ATE1: variants seen among roughly 807,000 people sequenced by gnomAD.
The protein encoded by ATE1 is arginyl-tRNA--protein transferase 1.
A neutral mutation model predicts 70.5 loss-of-function variants in ATE1; 36 were observed. That is an observed-to-expected ratio of 0.51 (90% CI 0.39 to 0.67). The LOEUF (loss-of-function observed/expected upper bound fraction) is 0.67, where lower values mean the gene tolerates loss of function less well. Ranked by LOEUF, ATE1 falls within the 30% of genes least tolerant of loss-of-function variation. ATE1 has a pLI of 0.00. For missense variants in ATE1, 593 were observed against 629.5 expected (o/e 0.94, Z 0.62); for synonymous variants, 232 against 219.3 (o/e 1.06, Z -0.51).
intron 3 of ATE1, among the ~76,000 whole-genome samples, chr10:121,921,993 A>T (rs1196553415): frequency 6.6e-6 from 1 of 152,240 alleles, no homozygotes; most frequent in Admixed American, 6.5e-5. Flanking sequence ...CAAGCAATAC[A>T]CCAGAATGCA....
intron 8 of ATE1, among the ~76,000 whole-genome samples, chr10:121,868,480 G>T (rs1949737368): frequency 6.6e-6 from 1 of 152,094 alleles, no homozygotes; most frequent in Non-Finnish European, 1.5e-5. Flanking sequence ...CATAACTATA[G>T]AGTGGGCTAT....
intron 7 of ATE1, among the ~76,000 whole-genome samples, chr10:121,873,432 T>C (rs982995605): frequency 2.9e-4 from 44 of 152,148 alleles, no homozygotes; most frequent in Admixed American, 2.8e-3. Flanking sequence ...CCTGGTACCA[T>C]TGTTCTATTC....
In ATE1 at chr10:121,759,132, G is replaced by A. The variant is rs1010919930; in HGVS notation, c.1379-15274C>T. On this transcript the variant is annotated intron_variant, in intron 11 of 11. Transcript: ENST00000224652. ...CAGACTGATGGCTCTTGTGCCAAAC[G>A]GCCAAGCTGCAAATACAAAAGAAAA... Among the ~76,000 whole-genome samples, 10 of 152,124 alleles carry A rather than the reference G, an allele frequency of 6.6e-5. No individual in the cohort carries two copies. The South Asian group carries it at 2.1e-3, about 32-fold the overall frequency.
At chr10:121,915,815 T>C (rs1479307166) in intron 3 of ATE1, among the ~76,000 whole-genome samples, 27 of 129,876 alleles carry the variant, frequency 2.1e-4, no homozygotes, top group East Asian at 1.2e-3. Flanking sequence ...GGCATGAACC[T>C]GGGAGGCAGA....
At chr10:121,894,890 G>C (rs1371296744) in intron 7 of ATE1, among the ~76,000 whole-genome samples, 2 of 151,896 alleles carry the variant, frequency 1.3e-5, no homozygotes, top group Non-Finnish European at 2.9e-5. Flanking sequence ...GACAGAGTGA[G>C]ACTCTGTCTC....
intron 10 of ATE1, among the ~76,000 whole-genome samples, chr10:121,824,352 T>C (rs933163106): frequency 3.9e-5 from 6 of 152,220 alleles, no homozygotes; most frequent in Non-Finnish European, 8.8e-5. Context: ...TGCAAGGCTA[T>C]AGTGAAATAA....
upstream of ATE1, chr10:121,928,391 T>C: frequency 7.2e-6 from 11 of 1,531,858 alleles, no homozygotes; most frequent in Non-Finnish European, 9.7e-6. Flanking sequence ...GCCGCAGTGG[T>C]AGCCGGCCCT....
chr10:121,906,582 CAAAA>C (rs113241921), intron 5 of ATE1, among the ~76,000 whole-genome samples: 1 of 146,060 alleles, frequency 6.8e-6, no homozygotes, highest in African/African-American at 2.6e-5. Flanking sequence ...TTGCAGGTTC[CAAAA>C]AAAAAAAAAT....
chr10:121,754,575 C>A (rs1944717851), intron 11 of ATE1, among the ~76,000 whole-genome samples: 1 of 151,972 alleles, frequency 6.6e-6, no homozygotes, highest in Admixed American at 6.6e-5. Context: ...TTGTAGAATG[C>A]CAACTAATAA....
chr10:121,833,491 G>A (rs148747616), intron 10 of ATE1, among the ~76,000 whole-genome samples: 1 of 152,262 alleles, frequency 6.6e-6, no homozygotes, highest in Non-Finnish European at 1.5e-5. Flanking sequence ...GTATGCACAG[G>A]AGATAGACTA....
intron 11 of ATE1, 42 bp from the exon 12 acceptor site, chr10:121,743,900 C>T (rs775330534): frequency 6.5e-6 from 5 of 771,402 alleles, no homozygotes; most frequent in Non-Finnish European, 7.9e-6. Flanking sequence ...TGTCACATAT[C>T]AAAACTTTTT....
At chr10:121,763,571 G>A (rs187414404) in intron 11 of ATE1, among the ~76,000 whole-genome samples, 1 of 152,158 alleles carries the variant, frequency 6.6e-6, no homozygotes, top group East Asian at 1.9e-4. Context: ...GACAGTAAAA[G>A]AATCAGGGGT....
At chr10:121,797,608 C>T (rs1018622354) in intron 10 of ATE1, among the ~76,000 whole-genome samples, 221 of 147,200 alleles carry the variant, frequency 1.5e-3, no homozygotes, top group African/African-American at 5.2e-3. Context: ...AAAAAAAATA[C>T]GAAGACATGG....
At chr10:121,884,882 T>G (rs1950334180) in intron 7 of ATE1, among the ~76,000 whole-genome samples, 1 of 152,206 alleles carries the variant, frequency 6.6e-6, no homozygotes, top group Non-Finnish European at 1.5e-5. Context: ...AGGAGTTGCT[T>G]AAAGAAACTG....
At chr10:121,925,439 A>G (rs974292073) in intron 1 of ATE1, among the ~76,000 whole-genome samples, 11 of 151,818 alleles carry the variant, frequency 7.2e-5, no homozygotes, top group Non-Finnish European at 1.0e-4. Flanking sequence ...AAAAAAAAAA[A>G]AAAGAAAGAA....
intron 11 of ATE1, among the ~76,000 whole-genome samples, chr10:121,787,350 G>A (rs1172837197): frequency 6.6e-6 from 1 of 152,190 alleles, no homozygotes; most frequent in African/African-American, 2.4e-5. Context: ...CCCCAGAGAA[G>A]AGAACCGTTT....
intron 2 of ATE1, among the ~76,000 whole-genome samples, chr10:121,923,651 T>A (rs1365857891): frequency 3.9e-5 from 6 of 152,172 alleles, no homozygotes; most frequent in Non-Finnish European, 8.8e-5. Context: ...ATATTACTTA[T>A]ATTTACACAA....
intron 11 of ATE1, among the ~76,000 whole-genome samples, chr10:121,775,723 T>C (rs1199152773): frequency 1.3e-5 from 2 of 152,222 alleles, no homozygotes; most frequent in Admixed American, 6.5e-5. Context: ...CCACTGACGG[T>C]ATCTAGGGTA....
At chr10:121,781,059 T>C (rs991892549) in intron 11 of ATE1, among the ~76,000 whole-genome samples, 1 of 151,864 alleles carries the variant, frequency 6.6e-6, no homozygotes, top group African/African-American at 2.4e-5. Context: ...AGCTAGCTTT[T>C]TGTTTGTTTG....
Sources: gnomAD v4.1 joint callset for allele counts (sites outside exome capture counted in the v4.1 genomes callset) on GRCh38, gnomAD v4.1.1 for gene constraint, MANE v1.5 for transcripts, NCBI Gene and HGNC (gene_info 2026-07-23, HGNC 2026-07-21) for gene names.